CDKN3: variants seen among roughly 807,000 people sequenced by gnomAD.
CDKN3 encodes cyclin dependent kinase inhibitor 3.
CDKN3 carries 19 observed loss-of-function variants against 36.1 expected under a neutral mutation model. The observed-to-expected ratio is 0.53, with a 90% CI of 0.37 to 0.77. CDKN3 has a LOEUF of 0.77. Among genes scored for constraint, CDKN3 ranks in the 30% least tolerant of loss-of-function variants. The pLI, the probability that CDKN3 is intolerant of heterozygous loss-of-function variation, is 0.00. For missense variants in CDKN3, 188 were observed against 248.6 expected (o/e 0.76, Z 1.64); for synonymous variants, 71 against 85.3 (o/e 0.83, Z 0.92).
chr14:54,407,458 G>C (rs1043696907), intron 3 of CDKN3, among the ~76,000 whole-genome samples: 1 of 152,168 alleles, frequency 6.6e-6, no homozygotes, highest in Non-Finnish European at 1.5e-5. Flanking sequence ...CATCCCTTCC[G>C]CCAGGTGCTC....
intron 6 of CDKN3, 34 bp from the exon 7 acceptor site, chr14:54,417,814 A>C (rs1242399308): frequency 1.2e-5 from 14 of 1,198,440 alleles, no homozygotes; most frequent in Non-Finnish European, 1.7e-5. Context: ...CTAGTTATTT[A>C]ATAACATATT....
intron 7 of CDKN3, 27 bp downstream of exon 7, chr14:54,417,978 G>T (rs764927098): frequency 5.2e-5 from 70 of 1,336,142 alleles, no homozygotes; most frequent in Non-Finnish European, 7.1e-5. Flanking sequence ...TGCTTGCTTG[G>T]TTGTGGTTGG....
chr14:54,401,630 A>G, intron 3 of CDKN3, 51 bp downstream of exon 3: 1 of 1,252,984 alleles, frequency 8.0e-7, no homozygotes, highest in Non-Finnish European at 1.1e-6. Flanking sequence ...ATTTTTTAAT[A>G]TATTTTTATT....
chr14:54,400,227 A>T (rs1594598160), intron 2 of CDKN3, among the ~76,000 whole-genome samples: 1 of 64,462 alleles, frequency 1.6e-5, no homozygotes, highest in Admixed American at 1.5e-4. Context: ...TCCATGATTC[A>T]TTTACTCTTT....
At chr14:54,401,471 T>C in intron 2 of CDKN3, 53 bp from the exon 3 acceptor site, 1 of 1,264,432 alleles carries the variant, frequency 7.9e-7, no homozygotes, top group Non-Finnish European at 1.2e-6. Context: ...TGAATTTCCA[T>C]TTATAACTTT....
chr14:54,400,522 A>C (rs188131926), intron 2 of CDKN3, among the ~76,000 whole-genome samples: 99 of 152,296 alleles, frequency 6.5e-4, no homozygotes, highest in African/African-American at 2.3e-3. Context: ...TCTACATAAA[A>C]TCAGCCTTTT....
chr14:54,420,193 A>G lies in CDKN3; in HGVS notation c.*115A>G. 1 of 567,342 alleles carries G rather than the reference A, an allele frequency of 1.8e-6. No homozygotes were observed. The highest frequency in any genetic ancestry group is 3.1e-6 in the Non-Finnish European group (1 of 321,182). The allele number at this position is 567,342 out of a possible 1,614,324, so 35.1% of individuals were successfully genotyped here. A position where few individuals can be genotyped will look rare whatever the true frequency, so the allele number is the denominator to read the frequency against. On this transcript the variant is annotated 3_prime_UTR_variant, in exon 8 of 8. Transcript: ENST00000335183. ...CTTGAATGTAAATGTACATGTGCAG[A>G]TATTCCTAAAGTTTTATTGACAAAA...
intron 6 of CDKN3, among the ~76,000 whole-genome samples, chr14:54,417,373 T>C (rs2030586264): frequency 6.6e-6 from 1 of 152,194 alleles, no homozygotes; most frequent in African/African-American, 2.4e-5. Flanking sequence ...CCTGAACACA[T>C]TATGCTAAGA....
intron 4 of CDKN3, among the ~76,000 whole-genome samples, chr14:54,409,547 T>C (rs1234225331): frequency 6.6e-6 from 1 of 152,094 alleles, no homozygotes; most frequent in Non-Finnish European, 1.5e-5. Context: ...AAAAATTTAT[T>C]CCTGGTCAGG....
chr14:54,410,128 CA>C (rs1268710538), intron 4 of CDKN3, among the ~76,000 whole-genome samples: 3 of 152,102 alleles, frequency 2.0e-5, no homozygotes, highest in South Asian at 2.1e-4. Context: ...TCTATAAAAA[CA>C]GTTTCCAATT....
intron 1 of CDKN3, among the ~76,000 whole-genome samples, chr14:54,397,439 C>T (rs574307579): frequency 1.9e-4 from 29 of 152,342 alleles, no homozygotes; most frequent in Non-Finnish European, 3.4e-4. Context: ...GGCGCGATAC[C>T]CCAGCCCCGA....
chr14:54,397,044 TG>T lies in CDKN3; in HGVS notation c.-23del. 1 of 1,490,648 alleles carries T rather than the reference TG, an allele frequency of 6.7e-7. No homozygotes were observed. The highest frequency in any genetic ancestry group is 2.3e-5 in the Admixed American group (1 of 42,882). 92.3% of individuals were successfully genotyped at this position (1,490,648 alleles called of 1,614,324 possible). Reference sequence around the variant, plus strand: ...CCGGCGCTGCAGAGGGAGGCGGCACTGGTCTCGACGTGGGGCGGCCAGCGAT... The same window carrying T: ...CCGGCGCTGCAGAGGGAGGCGGCACTGTCTCGACGTGGGGCGGCCAGCGAT... On this transcript the variant is annotated 5_prime_UTR_variant, in exon 1 of 8. Transcript: ENST00000335183.
Position 54,397,023 on chromosome 14 carries a change from C to G in CDKN3, c.-46C>G. The stretch of plus-strand genomic sequence containing the variant: ...GGCCGGGGCACCGGTGAGTCGCCGG[C>G]GCTGCAGAGGGAGGCGGCACTGGTC... On this transcript the variant is annotated 5_prime_UTR_variant, in exon 1 of 8. Transcript: ENST00000335183. 6.9e-7 allele frequency: 1 copy of G among 1,459,682 alleles called. No individual in the cohort carries two copies. Among genetic ancestry groups the G allele is most frequent in the Non-Finnish European group, 9.1e-7 (1 of 1,102,218 alleles). The allele number at this position is 1,459,682 out of a possible 1,614,324, so 90.4% of individuals were successfully genotyped here.
At chr14:54,418,083 T>C in intron 7 of CDKN3, 132 bp downstream of exon 7, 1 of 687,412 alleles carries the variant, frequency 1.5e-6, no homozygotes, top group Middle Eastern at 2.5e-4. Context: ...CACTCTGTTA[T>C]TCAAATACCA....
intron 5 of CDKN3, chr14:54,413,572 A>G (rs1391415131): frequency 7.1e-7 from 1 of 1,416,350 alleles, no homozygotes; most frequent in Admixed American, 2.0e-5. Context: ...CATAAAATAA[A>G]GCATCTGACA....
At chr14:54,400,002 T>C in intron 2 of CDKN3, 26 bp downstream of exon 2, 5 of 1,023,980 alleles carry the variant, frequency 4.9e-6, no homozygotes, top group Admixed American at 3.5e-5. Context: ...TGATCAATGA[T>C]GAGCTAAAAT....
At chr14:54,398,152 A>G (rs916778104) in intron 1 of CDKN3, among the ~76,000 whole-genome samples, 6 of 152,214 alleles carry the variant, frequency 3.9e-5, no homozygotes, top group Admixed American at 2.0e-4. Flanking sequence ...AAGAAAGAAA[A>G]AAAAGTCCGT....
chr14:54,409,863 A>G (rs1475989209), intron 4 of CDKN3, among the ~76,000 whole-genome samples: 1 of 150,440 alleles, frequency 6.6e-6, no homozygotes, highest in African/African-American at 2.4e-5. Context: ...CTGCACTCCA[A>G]CCTGGTGGCA....
chr14:54,411,489 C>T lies in CDKN3; in HGVS notation c.199C>T (p.Leu67=). The part of the protein sequence containing the change: ...RRNVQKDTEE[L]KSCGIQDIFV... ...GTATCCTGGTCTATTGGCAGAAGAA[C>T]TAAAGAGCTGTGGTATACAAGACAT... The change falls in exon 5 of 8, where the codon CTA becomes TTA. Residue 67 remains leucine, a synonymous_variant. Coordinates refer to ENST00000335183, the MANE Select transcript of CDKN3 (RefSeq NM_005192.4). 6 of 1,612,710 alleles carry T rather than the reference C, an allele frequency of 3.7e-6. No individual in the cohort carries two copies. The South Asian group carries it at 6.6e-5, about 18-fold the overall frequency.
Sources: allele counts gnomAD v4.1 joint callset (sites outside exome capture counted in the v4.1 genomes callset), GRCh38; gene constraint gnomAD v4.1.1; transcripts MANE v1.5; gene names NCBI Gene and HGNC (gene_info 2026-07-23, HGNC 2026-07-21).